TASP1: variants seen among roughly 807,000 people sequenced by gnomAD.
The protein encoded by TASP1 is threonine aspartase 1.
A neutral mutation model predicts 56.6 loss-of-function variants in TASP1; 16 were observed. The ratio of observed to expected loss-of-function variants is 0.28; its 90% CI spans 0.19 to 0.43. The LOEUF (loss-of-function observed/expected upper bound fraction) is 0.43, where lower values mean the gene tolerates loss of function less well. TASP1 is among the 20% of genes least tolerant of loss of function. The pLI is 1.00. For synonymous variants in TASP1, 179 were observed against 184.2 expected (o/e 0.97, Z 0.23); for missense variants, 393 against 511.6 (o/e 0.77, Z 2.24).
At chr20:13,352,767 TTAAGA>T in the TASP1 span, among the ~76,000 whole-genome samples, 2 of 152,166 alleles carry the variant, frequency 1.3e-5, no homozygotes, top group Non-Finnish European at 2.9e-5. Context: ...AACCAGTGTT[TTAAGA>T]TAATACACAA....
chr20:13,537,812 A>C (rs1426666337), intron 8 of TASP1, among the ~76,000 whole-genome samples: 2 of 152,204 alleles, frequency 1.3e-5, no homozygotes, highest in African/African-American at 2.4e-5. Context: ...CCAATAAATA[A>C]GCAGTCCCTG....
chr20:13,566,608 A>G (rs1048124069), intron 7 of TASP1, among the ~76,000 whole-genome samples: 1 of 152,094 alleles, frequency 6.6e-6, no homozygotes, highest in Non-Finnish European at 1.5e-5. Flanking sequence ...TACCATTTAT[A>G]TTACATTCTT....
the TASP1 span, among the ~76,000 whole-genome samples, chr20:13,272,339 G>A: frequency 3.3e-5 from 5 of 152,290 alleles, no homozygotes; most frequent in African/African-American, 9.6e-5. Flanking sequence ...AAATCTCACT[G>A]AGAACACTTG....
the TASP1 span, among the ~76,000 whole-genome samples, chr20:13,351,958 T>C: frequency 0.021 from 3,127 of 152,304 alleles, 121 homozygotes; most frequent in African/African-American, 0.07. Flanking sequence ...GAATTTTTCA[T>C]TTCATTTAAT....
chr20:13,454,898 T>G (rs2043769987), intron 11 of TASP1, among the ~76,000 whole-genome samples: 1 of 152,104 alleles, frequency 6.6e-6, no homozygotes, highest in African/African-American at 2.4e-5. Context: ...TAGCTTGTCA[T>G]TTTTTACTAA....
At chr20:13,607,836 A>G (rs2295503) in intron 4 of TASP1, among the ~76,000 whole-genome samples, 78,167 of 152,092 alleles carry the variant, frequency 0.51, 22,231 homozygotes, top group African/African-American at 0.77. Context: ...GCGTGATGGC[A>G]GGTGCCTGTA....
At chr20:13,557,982 T>A (rs1490643532) in intron 8 of TASP1, among the ~76,000 whole-genome samples, 1 of 152,208 alleles carries the variant, frequency 6.6e-6, no homozygotes, top group African/African-American at 2.4e-5. Flanking sequence ...AAGATCTACT[T>A]ATTAATTTGT....
At chr20:13,519,618 A>G (rs1356524326) in intron 10 of TASP1, among the ~76,000 whole-genome samples, 2 of 152,194 alleles carry the variant, frequency 1.3e-5, no homozygotes, top group African/African-American at 4.8e-5. Flanking sequence ...GATGGGAAGT[A>G]TCTCAAAATA....
At chr20:13,393,561 G>A in intron 13 of TASP1, 3 of 833,468 alleles carry the variant, frequency 3.6e-6, no homozygotes, top group Non-Finnish European at 6.2e-6. Context: ...CCATGCTGGG[G>A]CTGGCAATGC....
chr20:13,554,179 G>A (rs764103760), intron 8 of TASP1, among the ~76,000 whole-genome samples: 72 of 152,130 alleles, frequency 4.7e-4, no homozygotes, highest in Non-Finnish European at 8.4e-4. Flanking sequence ...GAGAATACCA[G>A]ATATGTTAGC....
the TASP1 span, among the ~76,000 whole-genome samples, chr20:13,296,077 C>G: frequency 6.6e-6 from 1 of 152,206 alleles, no homozygotes; most frequent in South Asian, 2.1e-4. Flanking sequence ...TCCCTTAATG[C>G]ACCCCACATT....
chr20:13,384,472 G>T (rs2041149880), downstream of TASP1, among the ~76,000 whole-genome samples: 1 of 152,124 alleles, frequency 6.6e-6, no homozygotes, highest in African/African-American at 2.4e-5. Flanking sequence ...CCTTCCTGTG[G>T]CCAAACACTT....
At chr20:13,398,244 T>C (rs903961461) in intron 13 of TASP1, among the ~76,000 whole-genome samples, 19 of 152,152 alleles carry the variant, frequency 1.2e-4, no homozygotes, top group Non-Finnish European at 2.9e-5. Flanking sequence ...AAGTTCTCTT[T>C]GTCAAAATCT....
chr20:13,154,027 C>T, the TASP1 span: 514 of 1,613,870 alleles, frequency 3.2e-4, no homozygotes, highest in Non-Finnish European at 4.2e-4. Flanking sequence ...CAGCAACTTG[C>T]GAAAAACACA....
At chr20:13,409,780 G>A (rs1413433433) in intron 13 of TASP1, among the ~76,000 whole-genome samples, 2 of 152,000 alleles carry the variant, frequency 1.3e-5, no homozygotes, top group African/African-American at 2.4e-5. Context: ...TCAAGTCAGG[G>A]TATTTGGGGT....
At chr20:13,330,136 T>C in the TASP1 span, among the ~76,000 whole-genome samples, 1 of 152,054 alleles carries the variant, frequency 6.6e-6, no homozygotes, top group Non-Finnish European at 1.5e-5. Flanking sequence ...TTTGTATTTT[T>C]AATGGAGATG....
At chr20:13,285,233 A>G in the TASP1 span, among the ~76,000 whole-genome samples, 275 of 152,258 alleles carry the variant, frequency 1.8e-3, 2 homozygotes, top group South Asian at 8.7e-3. Flanking sequence ...CAGGGCTGCA[A>G]TGAGCCATGA....
At chr20:13,255,826 G>A in the TASP1 span, among the ~76,000 whole-genome samples, 3,000 of 152,150 alleles carry the variant, frequency 0.02, 77 homozygotes, top group African/African-American at 0.056. Flanking sequence ...CAAGGGGTCC[G>A]CTGTGCCCCT....
the TASP1 span, among the ~76,000 whole-genome samples, chr20:13,155,569 G>C: frequency 6.6e-6 from 1 of 152,282 alleles, no homozygotes; most frequent in South Asian, 2.1e-4. Flanking sequence ...GCTCATGCCT[G>C]TAATCCCATC....
Sources: gnomAD v4.1 joint callset for allele counts (sites outside exome capture counted in the v4.1 genomes callset) on GRCh38, gnomAD v4.1.1 for gene constraint, MANE v1.5 for transcripts, NCBI Gene and HGNC (gene_info 2026-07-23, HGNC 2026-07-21) for gene names.